The following NEGR1 variants were observed in gnomAD, a reference collection of about 807,000 sequenced individuals.
NEGR1 encodes the protein neuronal growth regulator 1.
Under a neutral mutation model 40.9 loss-of-function variants are expected in NEGR1, and 10 were observed. The ratio of observed to expected loss-of-function variants is 0.24; its 90% CI spans 0.15 to 0.42. NEGR1 has a LOEUF of 0.42. NEGR1 is among the 10% of genes least tolerant of loss of function. The pLI is 1.00. For synonymous variants in NEGR1, 185 were observed against 166.8 expected, an observed-to-expected ratio of 1.11 and a Z score of -0.84; for missense variants, 352 against 438.9, an observed-to-expected ratio of 0.80 and a Z score of 1.77.
chr1:71,490,397 T>C (rs1321916062), intron 6 of NEGR1, among the ~76,000 whole-genome samples: 1 of 151,944 alleles, frequency 6.6e-6, no homozygotes, highest in Admixed American at 6.6e-5. Context: ...AAAAACAACA[T>C]AAAGGATATA....
In NEGR1 at chr1:71,990,798, T is replaced by C. The variant is rs113978693; in HGVS notation, c.177-55487A>G. Among the ~76,000 whole-genome samples the C allele has an allele frequency of 2.2e-3, 332 of 152,160 alleles. 1 individual carries two copies. The highest frequency in any genetic ancestry group is 7.6e-3 in the African/African-American group (316 of 41,556). On this transcript the variant is annotated intron_variant, in intron 1 of 6. Coordinates refer to ENST00000357731, the MANE Select transcript of NEGR1 (RefSeq NM_173808.3). ...ACTTTACTTAGTCCTTGGCTCTCTG[T>C]TCTTTTCACTCTGCATTTTCTTTCT... is the stretch of plus-strand genomic sequence containing the variant.
At chr1:72,098,584 C>T (rs1432303229) in intron 1 of NEGR1, among the ~76,000 whole-genome samples, 5 of 152,142 alleles carry the variant, frequency 3.3e-5, no homozygotes, top group Non-Finnish European at 7.4e-5. Flanking sequence ...CAATTACCTA[C>T]TTTGCAAGAC....
At chr1:71,772,594 A>C (rs369041182) in intron 3 of NEGR1, among the ~76,000 whole-genome samples, 2 of 152,198 alleles carry the variant, frequency 1.3e-5, no homozygotes, top group South Asian at 4.1e-4. Context: ...TAGTTGACCA[A>C]ATTGGAATAT....
chr1:72,118,274 A>G (rs981422364), intron 1 of NEGR1, among the ~76,000 whole-genome samples: 13 of 151,812 alleles, frequency 8.6e-5, no homozygotes, highest in Admixed American at 4.6e-4. Flanking sequence ...CAACTCTGGC[A>G]CCTACAAGCT....
intron 1 of NEGR1, among the ~76,000 whole-genome samples, chr1:72,093,768 G>T (rs1285737450): frequency 1.3e-5 from 2 of 152,074 alleles, no homozygotes. Flanking sequence ...GATCTTGTCA[G>T]TAAATATTCT....
At chr1:71,666,295 T>G (rs192009380) in intron 4 of NEGR1, among the ~76,000 whole-genome samples, 1 of 152,318 alleles carries the variant, frequency 6.6e-6, no homozygotes, top group Admixed American at 6.5e-5. Context: ...CAATAGTCAT[T>G]TGCATTAAAA....
chr1:71,424,997 G>A (rs1353444799), intron 6 of NEGR1, among the ~76,000 whole-genome samples: 1 of 152,036 alleles, frequency 6.6e-6, no homozygotes, highest in Non-Finnish European at 1.5e-5. Context: ...TTGATTTCTG[G>A]TAATTGTTTC....
chr1:71,911,511 T>C (rs1286081194), intron 2 of NEGR1, among the ~76,000 whole-genome samples: 1 of 152,160 alleles, frequency 6.6e-6, no homozygotes, highest in Non-Finnish European at 1.5e-5. Flanking sequence ...CATTTAACTG[T>C]AGGTATGAAT....
chr1:71,837,070 G>C (rs554989792), intron 2 of NEGR1: 35 of 152,132 alleles, frequency 2.3e-4, no homozygotes, highest in African/African-American at 7.7e-4. Flanking sequence ...GCTGTTTACC[G>C]TCAAGTCACC....
At chr1:72,036,093 A>G (rs12065683) in intron 1 of NEGR1, among the ~76,000 whole-genome samples, 5,077 of 152,274 alleles carry the variant, frequency 0.033, 267 homozygotes, top group African/African-American at 0.12. Flanking sequence ...GATTCTTTCA[A>G]ATACCATGCC....
chr1:72,190,618 A>G (rs763036101), intron 1 of NEGR1, among the ~76,000 whole-genome samples: 12 of 151,636 alleles, frequency 7.9e-5, no homozygotes, highest in Non-Finnish European at 1.6e-4. Flanking sequence ...CATATACTTC[A>G]ATTTAATTTT....
intron 4 of NEGR1, among the ~76,000 whole-genome samples, chr1:71,689,825 T>C (rs1272325643): frequency 6.6e-6 from 1 of 150,810 alleles, no homozygotes; most frequent in Admixed American, 6.6e-5. Context: ...ATAAATATAA[T>C]TAAATAAATG....
intron 6 of NEGR1, among the ~76,000 whole-genome samples, chr1:71,410,758 G>A (rs1379921112): frequency 6.6e-6 from 1 of 152,094 alleles, no homozygotes; most frequent in Non-Finnish European, 1.5e-5. Flanking sequence ...CTGTTGAACT[G>A]AATTATTTGA....
chr1:71,702,856 C>A (rs1257226103), intron 3 of NEGR1, among the ~76,000 whole-genome samples: 1 of 151,846 alleles, frequency 6.6e-6, no homozygotes, highest in Non-Finnish European at 1.5e-5. Flanking sequence ...ATGCAATTTT[C>A]AAGCATCAAG....
At chr1:71,773,979 G>A (rs1336118088) in intron 3 of NEGR1, among the ~76,000 whole-genome samples, 1 of 152,172 alleles carries the variant, frequency 6.6e-6, no homozygotes, top group Non-Finnish European at 1.5e-5. Flanking sequence ...TAAATTATAT[G>A]AAGATAGAGA....
At chr1:71,971,067 A>G (rs2100318677) in intron 1 of NEGR1, among the ~76,000 whole-genome samples, 1 of 152,308 alleles carries the variant, frequency 6.6e-6, no homozygotes, top group African/African-American at 2.4e-5. Context: ...ATGCCATTAT[A>G]AGAAAAGGAA....
intron 1 of NEGR1, among the ~76,000 whole-genome samples, chr1:72,272,306 G>A (rs991965907): frequency 3.3e-5 from 5 of 151,474 alleles, no homozygotes; most frequent in Admixed American, 2.0e-4. Context: ...GGTTTTGAAC[G>A]CTAATAACCT....
chr1:71,495,586 C>T (rs1646957801), intron 6 of NEGR1, among the ~76,000 whole-genome samples: 1 of 152,042 alleles, frequency 6.6e-6, no homozygotes, highest in African/African-American at 2.4e-5. Context: ...CAACTGTATA[C>T]TGAATATCAC....
At chr1:71,634,222 C>T (rs1379557586) in intron 4 of NEGR1, among the ~76,000 whole-genome samples, 2 of 152,026 alleles carry the variant, frequency 1.3e-5, no homozygotes, top group Non-Finnish European at 2.9e-5. Context: ...AGATAAATAA[C>T]ATAGAAACAG....
Sources: gnomAD v4.1 joint callset for allele counts (sites outside exome capture counted in the v4.1 genomes callset) on GRCh38, gnomAD v4.1.1 for gene constraint, MANE v1.5 for transcripts, NCBI Gene and HGNC (gene_info 2026-07-23, HGNC 2026-07-21) for gene names.